Variants in RUNX1 observed in about 807,000 individuals in gnomAD.
RUNX1 encodes the protein runt-related transcription factor 1.
In RUNX1, 19 loss-of-function variants were observed where a neutral mutation model predicts 42.8. The observed-to-expected ratio is 0.44, with a 90% CI of 0.31 to 0.65. RUNX1 has a LOEUF of 0.65. Among genes scored for constraint, RUNX1 ranks in the 30% least tolerant of loss-of-function variants. RUNX1 has a pLI of 0.07. For synonymous variants in RUNX1, 271 were observed against 289.4 expected, an observed-to-expected ratio of 0.94 and a Z score of 0.64; for missense variants, 528 against 672.0, an observed-to-expected ratio of 0.79 and a Z score of 2.37.
intron 6 of RUNX1, among the ~76,000 whole-genome samples, chr21:34,835,065 G>A (rs948187071): frequency 6.6e-6 from 1 of 152,172 alleles, no homozygotes; most frequent in Non-Finnish European, 1.5e-5. Flanking sequence ...TTTTAGAGGC[G>A]GCAAAGTGGG....
At chr21:34,967,091 C>T (rs772188805) in intron 2 of RUNX1, among the ~76,000 whole-genome samples, 2 of 151,588 alleles carry the variant, frequency 1.3e-5, no homozygotes, top group Non-Finnish European at 2.9e-5. Context: ...GCGGCCAAGG[C>T]GAGTGGATCA....
chr21:34,882,647 A>T (rs972911905), intron 4 of RUNX1, among the ~76,000 whole-genome samples: 4 of 150,704 alleles, frequency 2.7e-5, no homozygotes, highest in African/African-American at 9.7e-5. Flanking sequence ...AAAAGATATC[A>T]CGGAAATAAA....
chr21:34,853,138 G>A (rs996713644), intron 6 of RUNX1, among the ~76,000 whole-genome samples: 11 of 152,092 alleles, frequency 7.2e-5, no homozygotes, highest in Non-Finnish European at 1.2e-4. Context: ...ACAACACCCC[G>A]GGGTCAGGTC....
At chr21:34,955,803 T>C (rs73900735) in intron 2 of RUNX1, among the ~76,000 whole-genome samples, 2,966 of 152,272 alleles carry the variant, frequency 0.019, 99 homozygotes, top group African/African-American at 0.067. Context: ...CTTATTCCTG[T>C]AGTGGTTAGG....
At chr21:34,818,987 G>A (rs940393775) in intron 7 of RUNX1, among the ~76,000 whole-genome samples, 2 of 152,178 alleles carry the variant, frequency 1.3e-5, no homozygotes, top group Non-Finnish European at 2.9e-5. Context: ...GAGGGGAAAG[G>A]AAAGCTGAGC....
chr21:34,797,129 G>T (rs1667210503), intron 8 of RUNX1, among the ~76,000 whole-genome samples: 1 of 152,178 alleles, frequency 6.6e-6, no homozygotes, highest in African/African-American at 2.4e-5. Flanking sequence ...TTTCTCAGAG[G>T]GAGTTCTGCC....
Position 34,919,392 on chromosome 21 carries a change from T to C in RUNX1, c.59-26429A>G, listed in dbSNP as rs115401206. Among the ~76,000 whole-genome samples the C allele has an allele frequency of 3.8e-3, 585 of 152,320 alleles. 5 individuals carry two copies. Among genetic ancestry groups the C allele is most frequent in the African/African-American group, 0.013 (536 of 41,568 alleles). On this transcript the variant is annotated intron_variant, in intron 2 of 8. Transcript: ENST00000675419. Reference sequence around the variant, plus strand: ...ACCACATTTTACGTTTGAGCCCTGTTACTGGAGAACAGATAAGGGACCCAT... The same window carrying C: ...ACCACATTTTACGTTTGAGCCCTGTCACTGGAGAACAGATAAGGGACCCAT...
At chr21:34,919,679 C>T (rs2058339557) in intron 2 of RUNX1, among the ~76,000 whole-genome samples, 1 of 152,286 alleles carries the variant, frequency 6.6e-6, no homozygotes, top group East Asian at 1.9e-4. Context: ...ATTGAGTGGT[C>T]TCCTTATAGA....
intron 6 of RUNX1, among the ~76,000 whole-genome samples, chr21:34,855,303 A>G (rs563040290): frequency 1.3e-5 from 2 of 152,182 alleles, no homozygotes; most frequent in Non-Finnish European, 2.9e-5. Context: ...TCTGTAGAGA[A>G]GATGCTTTGG....
Position 34,788,617 on chromosome 21 carries a change from A to C in RUNX1, c.*3518T>G, listed in dbSNP as rs1210218683. On this transcript the variant is annotated 3_prime_UTR_variant, in exon 9 of 9. Transcript: ENST00000675419. ...TTATAATGAAGCTTAAAATCTATTT[A>C]CATACATAAATACAATTAACTTTGT... 1 of 233,232 alleles carries C rather than the reference A, an allele frequency of 4.3e-6. No homozygotes were observed. Among genetic ancestry groups the C allele is most frequent in the Admixed American group, 5.6e-5 (1 of 17,784 alleles). The allele number at this position is 233,232 out of a possible 1,614,324, so 14.4% of individuals were successfully genotyped here.
intron 6 of RUNX1, among the ~76,000 whole-genome samples, chr21:34,847,996 TC>T (rs1157453429): frequency 6.6e-6 from 1 of 152,186 alleles, no homozygotes; most frequent in Non-Finnish European, 1.5e-5. Context: ...TCCATTTGTT[TC>T]CTCTCATAAG....
intron 5 of RUNX1, among the ~76,000 whole-genome samples, chr21:34,876,960 G>A (rs564005848): frequency 1.4e-4 from 21 of 152,218 alleles, no homozygotes; most frequent in South Asian, 8.3e-4. Context: ...GGGTTCAAGC[G>A]ATTCTCCTGC....
chr21:34,904,892 T>C lies in RUNX1; in HGVS notation c.59-11929A>G, dbSNP rs188271618. On this transcript the variant is annotated intron_variant, in intron 2 of 8. Transcript: ENST00000675419. ...CAAGTCTTTTTCCTTAATGCAGAAA[T>C]AGTAAAGTTTCTAAAATAGAAATCA... is the stretch of plus-strand genomic sequence containing the variant. Among the ~76,000 whole-genome samples the C allele has an allele frequency of 2.3e-3, 351 of 152,324 alleles. 1 individual carries two copies. Among genetic ancestry groups the C allele is most frequent in the Admixed American group, 6.5e-3 (100 of 15,292 alleles).
intron 2 of RUNX1, among the ~76,000 whole-genome samples, chr21:34,987,540 ATG>A (rs907463269): frequency 9.2e-5 from 14 of 152,226 alleles, no homozygotes; most frequent in African/African-American, 2.7e-4. Context: ...GAGATGAGCC[ATG>A]TGTTAGCACC....
chr21:35,026,483 C>A (rs115319540), intron 2 of RUNX1, among the ~76,000 whole-genome samples: 1,641 of 152,228 alleles, frequency 0.011, 28 homozygotes, highest in African/African-American at 0.038. Context: ...GCATTACAGG[C>A]CTCATGAGGA....
Position 34,886,929 on chromosome 21 carries a change from G to A in RUNX1, c.265C>T (p.Leu89=), listed in dbSNP as rs1060504665. Reference sequence around the variant, plus strand: ...AAGTTGGGGCTGTCGGTGCGCACCAGCTCGCCCGGGTGGTCGGCCAGCACC... The same window carrying A: ...AAGTTGGGGCTGTCGGTGCGCACCAACTCGCCCGGGTGGTCGGCCAGCACC... ...VEVLADHPGE[L]VRTDSPNFLC... The change falls in exon 4 of 9, where the codon CTG becomes TTG. Residue 89 remains leucine, a synonymous_variant. Transcript: ENST00000675419. 6.2e-7 allele frequency: 1 copy of A among 1,613,124 alleles called. No individual in the cohort carries two copies. Among genetic ancestry groups the A allele is most frequent in the African/African-American group, 1.3e-5 (1 of 74,908 alleles).
intron 2 of RUNX1, among the ~76,000 whole-genome samples, chr21:34,895,761 A>C (rs1330702668): frequency 6.6e-6 from 1 of 152,166 alleles, no homozygotes; most frequent in Non-Finnish European, 1.5e-5. Flanking sequence ...ATAGACGTAG[A>C]TAGGTCATTG....
chr21:34,835,168 G>A (rs1018004193), intron 6 of RUNX1, among the ~76,000 whole-genome samples: 2 of 152,004 alleles, frequency 1.3e-5, no homozygotes, highest in African/African-American at 2.4e-5. Flanking sequence ...CCAGGTACAC[G>A]CAGGGCATCC....
intron 4 of RUNX1, among the ~76,000 whole-genome samples, chr21:34,880,926 T>C (rs978978099): frequency 5.9e-5 from 9 of 152,348 alleles, no homozygotes; most frequent in African/African-American, 1.9e-4. Context: ...GCAAAAGTAA[T>C]TGCAGTGTTT....
Sources: gnomAD v4.1 joint callset for allele counts (sites outside exome capture counted in the v4.1 genomes callset) on GRCh38, gnomAD v4.1.1 for gene constraint, MANE v1.5 for transcripts, NCBI Gene and HGNC (gene_info 2026-07-23, HGNC 2026-07-21) for gene names.